The following ESRRG variants were observed in gnomAD, a reference collection of about 807,000 sequenced individuals.
The protein encoded by ESRRG is estrogen related receptor gamma, also known as estrogen-related receptor gamma.
A neutral mutation model predicts 44.0 loss-of-function variants in ESRRG; 13 were observed. The ratio of observed to expected loss-of-function variants is 0.30; its 90% CI spans 0.19 to 0.47. ESRRG has a LOEUF of 0.47. Ranked by LOEUF, ESRRG falls within the 20% of genes least tolerant of loss-of-function variation. ESRRG has a pLI of 1.00. For synonymous variants in ESRRG, 215 were observed against 214.6 expected (o/e 1.00, Z -0.02); for missense variants, 395 against 580.6 (o/e 0.68, Z 3.29).
chr1:216,617,971 T>C (rs2061646525), intron 3 of ESRRG, among the ~76,000 whole-genome samples: 1 of 152,162 alleles, frequency 6.6e-6, no homozygotes, highest in African/African-American at 2.4e-5. Context: ...GCATGAATAT[T>C]TTACGGTAAT....
intron 2 of ESRRG, among the ~76,000 whole-genome samples, chr1:216,663,277 G>C (rs1042946803): frequency 4.6e-5 from 7 of 152,202 alleles, no homozygotes; most frequent in Middle Eastern, 6.8e-3. Flanking sequence ...GTACACTTGA[G>C]GACAACACAT....
intron 2 of ESRRG, among the ~76,000 whole-genome samples, chr1:216,746,909 A>T (rs2091463688): frequency 6.6e-6 from 1 of 152,198 alleles, no homozygotes; most frequent in African/African-American, 2.4e-5. Flanking sequence ...ATTTTCCTTA[A>T]AACGGCCTTA....
At chr1:216,814,015 C>A (rs551943115) in intron 2 of ESRRG, among the ~76,000 whole-genome samples, 1 of 152,258 alleles carries the variant, frequency 6.6e-6, no homozygotes, top group South Asian at 2.1e-4. Flanking sequence ...CTGCCTGCAG[C>A]ACCACTAATA....
At chr1:216,573,633 ATTTGATG>A (rs886286936) in intron 3 of ESRRG, among the ~76,000 whole-genome samples, 1 of 151,814 alleles carries the variant, frequency 6.6e-6, no homozygotes, top group Non-Finnish European at 1.5e-5. Context: ...TAATAATACT[ATTTGATG>A]TTTGAGTGAT....
At chr1:217,100,254 C>A (rs1404085031) in intron 1 of ESRRG, among the ~76,000 whole-genome samples, 2 of 152,188 alleles carry the variant, frequency 1.3e-5, no homozygotes, top group Admixed American at 1.3e-4. Context: ...AAATACATTT[C>A]ATTCCCAAGC....
intron 2 of ESRRG, among the ~76,000 whole-genome samples, chr1:216,663,653 A>G (rs2073130692): frequency 6.7e-6 from 1 of 149,720 alleles, no homozygotes; most frequent in African/African-American, 2.4e-5. Context: ...AACAAAAAAA[A>G]GAGACCAAGA....
intron 2 of ESRRG, among the ~76,000 whole-genome samples, chr1:216,755,495 G>A (rs1303596700): frequency 2.0e-5 from 3 of 151,978 alleles, no homozygotes. Context: ...ATACTATATA[G>A]AAAATAGCTT....
intron 2 of ESRRG, among the ~76,000 whole-genome samples, chr1:216,878,894 C>T (rs2096398576): frequency 1.3e-5 from 2 of 152,254 alleles, no homozygotes; most frequent in South Asian, 4.1e-4. Flanking sequence ...CAGATTTACG[C>T]ATCGTATTTA....
intron 3 of ESRRG, among the ~76,000 whole-genome samples, chr1:216,579,999 A>C (rs2149794495): frequency 6.6e-6 from 1 of 152,352 alleles, no homozygotes; most frequent in South Asian, 2.1e-4. Context: ...TAATTCCATA[A>C]AAATTTGAGA....
intron 1 of ESRRG, among the ~76,000 whole-genome samples, chr1:216,700,073 A>T (rs1429366292): frequency 6.6e-6 from 1 of 151,826 alleles, no homozygotes; most frequent in Non-Finnish European, 1.5e-5. Context: ...AAGCACCAAC[A>T]TCTACTACCT....
At chr1:216,976,826 A>G (rs2073020089) in intron 1 of ESRRG, among the ~76,000 whole-genome samples, 1 of 152,170 alleles carries the variant, frequency 6.6e-6, no homozygotes, top group South Asian at 2.1e-4. Context: ...TAAAGAAGGA[A>G]AAACAAAGAG....
intron 2 of ESRRG, among the ~76,000 whole-genome samples, chr1:216,829,603 G>A (rs1463578073): frequency 1.3e-5 from 2 of 150,654 alleles, no homozygotes; most frequent in African/African-American, 2.4e-5. Context: ...TGCCCAGGCT[G>A]GAATGCAGTG....
At chr1:216,812,018 G>A (rs931203057) in intron 2 of ESRRG, among the ~76,000 whole-genome samples, 2 of 152,134 alleles carry the variant, frequency 1.3e-5, no homozygotes, top group African/African-American at 4.8e-5. Flanking sequence ...AATCAGGGAG[G>A]TCATTAAAAC....
At chr1:216,668,961 T>A (rs140445855) in intron 2 of ESRRG, among the ~76,000 whole-genome samples, 11 of 152,326 alleles carry the variant, frequency 7.2e-5, no homozygotes, top group African/African-American at 2.6e-4. Flanking sequence ...ATCTTTTTCA[T>A]CAATGTTGCC....
intron 2 of ESRRG, among the ~76,000 whole-genome samples, chr1:216,733,759 G>A (rs182080504): frequency 2.0e-5 from 3 of 152,016 alleles, no homozygotes; most frequent in Non-Finnish European, 2.9e-5. Flanking sequence ...GGGAGCCTGA[G>A]GGGGGCGGAT....
At chr1:217,078,811 A>T (rs555165893) in intron 1 of ESRRG, among the ~76,000 whole-genome samples, 50 of 152,308 alleles carry the variant, frequency 3.3e-4, no homozygotes, top group Non-Finnish European at 5.0e-4. Context: ...AGGACAAAAT[A>T]ATGTAAGATC....
Position 216,519,406 on chromosome 1 carries a change from G to T in ESRRG, c.878C>A (p.Ser293Tyr). ...CAGAAGGCTCATCTGGTCCGCCAGG[G>T]ACAGCGTGGAGAAGCCTGCATGGAA... ...AKHIPGFSTL[S>Y]LADQMSLLQS... Residue 293 changes from serine to tyrosine, a missense_variant, in exon 6 of 7, where the codon TCC becomes TAC. Physicochemically the swap from Ser to Tyr is moderately radical, Grantham distance 144. This residue lies in a region of ESRRG where 167 missense variants were observed against 251.8 expected (regional missense o/e 0.66). Transcript: ENST00000408911. The T allele has an allele frequency of 6.2e-7, 1 of 1,610,746 alleles. No homozygotes were observed. The highest frequency in any genetic ancestry group is 8.5e-7 in the Non-Finnish European group (1 of 1,179,492).
At chr1:217,015,079 T>C (rs2079141654) in intron 1 of ESRRG, among the ~76,000 whole-genome samples, 1 of 152,188 alleles carries the variant, frequency 6.6e-6, no homozygotes, top group Non-Finnish European at 1.5e-5. Context: ...CTCAGCTTTC[T>C]ATGAACCCGA....
At position 216,589,065 on chromosome 1, in the gene ESRRG, A is replaced by T. The variant is rs73089938; in HGVS notation, c.590-20967T>A. On this transcript the variant is annotated intron_variant, in intron 3 of 6. Transcript: ENST00000408911. Reference sequence around the variant, plus strand: ...CCAAAATGGAAAAACTGGAAGATGGAATCAGTTTCTAAAGAAAGATAAGAA... The same window carrying T: ...CCAAAATGGAAAAACTGGAAGATGGTATCAGTTTCTAAAGAAAGATAAGAA... Among the ~76,000 whole-genome samples, 819 of 152,346 alleles carry T rather than the reference A, an allele frequency of 5.4e-3. 6 individuals carry two copies. The highest frequency in any genetic ancestry group is 0.019 in the African/African-American group (779 of 41,586).
Sources: gnomAD v4.1 joint callset for allele counts (sites outside exome capture counted in the v4.1 genomes callset) on GRCh38, gnomAD v4.1.1 for gene constraint, gnomAD v4.1.1 regional missense constraint, MANE v1.5 for transcripts, NCBI Gene and HGNC (gene_info 2026-07-23, HGNC 2026-07-21) for gene names.